The following SV2B variants were observed in gnomAD, a reference collection of about 807,000 sequenced individuals.
SV2B encodes the protein synaptic vesicle glycoprotein 2B.
SV2B carries 41 observed loss-of-function variants against 73.9 expected under a neutral mutation model. The observed-to-expected ratio is 0.56, with a 90% CI of 0.43 to 0.72. SV2B has a LOEUF of 0.72. Ranked by LOEUF, SV2B falls within the 30% of genes least tolerant of loss-of-function variation. The probability of loss-of-function intolerance (pLI) is 0.00; values close to 1 mark genes in which losing one functional copy is unlikely to be tolerated. For missense variants in SV2B, 764 were observed against 857.8 expected, an observed-to-expected ratio of 0.89 and a Z score of 1.37; for synonymous variants, 314 against 314.2, an observed-to-expected ratio of 1.00 and a Z score of 0.01.
In SV2B at chr15:91,231,125, A is replaced by T. The variant is rs1227209660; in HGVS notation, c.451+4411A>T. 1.3e-5 allele frequency among the ~76,000 whole-genome samples: 2 copies of T among 152,256 alleles called. 1 individual carries two copies. Among genetic ancestry groups the T allele is most frequent in the East Asian group, 3.9e-4 (2 of 5,180 alleles). Reference sequence around the variant, plus strand: ...GCATTTTCTGGGTATGTAAAAAAAAAATCACCCGAAGAAATGATTAAACTT... The same window carrying T: ...GCATTTTCTGGGTATGTAAAAAAAATATCACCCGAAGAAATGATTAAACTT... On this transcript the variant is annotated intron_variant, in intron 2 of 12. Transcript: ENST00000394232. This position sits in a 1 kb window ranked among gnomAD's most constrained non-coding sequence, Gnocchi z 4.5.
intron 1 of SV2B, among the ~76,000 whole-genome samples, chr15:91,182,190 G>C (rs2044606536): frequency 6.6e-6 from 1 of 152,094 alleles, no homozygotes; most frequent in Non-Finnish European, 1.5e-5. Context: ...CTTTTCCTAT[G>C]ATTAATTTAA....
rs2045269639 is a variant in SV2B, at chr15:91,197,024, C to T, written c.-391-28849C>T. ...CTTCCAGGGCCACGGGGATTTTGCT[C>T]CTCTGTTGCTCCGCCTGCCGGCTGT... is the stretch of plus-strand genomic sequence containing the variant. On this transcript the variant is annotated intron_variant, in intron 1 of 12. Transcript: ENST00000394232. The surrounding 1 kb of genome is among the most constrained non-coding windows in gnomAD (Gnocchi z 4.9). Among the ~76,000 whole-genome samples, 1 of 152,196 alleles carries T rather than the reference C, an allele frequency of 6.6e-6. No homozygotes were observed. Among genetic ancestry groups the T allele is most frequent in the African/African-American group, 2.4e-5 (1 of 41,452 alleles).
At chr15:91,165,280 G>A (rs898598249) in intron 1 of SV2B, among the ~76,000 whole-genome samples, 6 of 152,154 alleles carry the variant, frequency 3.9e-5, no homozygotes, top group South Asian at 2.1e-4. Flanking sequence ...GCAGTGAGCC[G>A]AGATCGCATC....
intron 2 of SV2B, among the ~76,000 whole-genome samples, chr15:91,243,171 G>A (rs1001970501): frequency 3.3e-5 from 5 of 152,144 alleles, no homozygotes; most frequent in Non-Finnish European, 5.9e-5. Context: ...GGTCTTAAGT[G>A]AAATGGCAGA....
chr15:91,228,083 A>C (rs2046442915), intron 2 of SV2B, among the ~76,000 whole-genome samples: 1 of 152,210 alleles, frequency 6.6e-6, no homozygotes, highest in African/African-American at 2.4e-5. Context: ...GGGCCACTGT[A>C]AATAAAATTG....
intron 1 of SV2B, among the ~76,000 whole-genome samples, chr15:91,202,068 C>T (rs2045479360): frequency 6.6e-6 from 1 of 152,184 alleles, no homozygotes; most frequent in Non-Finnish European, 1.5e-5. Flanking sequence ...TCACTCCCTG[C>T]TTCTTTCTCT....
Position 91,141,303 on chromosome 15 carries a change from T to A in SV2B, c.-392+40940T>A, listed in dbSNP as rs1315795202. Reference sequence around the variant, plus strand: ...GCTATTCTAGCAAGGGCGTGGAGTGTTTCCAGATTTTTGCTGGCATCATCT... The same window carrying A: ...GCTATTCTAGCAAGGGCGTGGAGTGATTCCAGATTTTTGCTGGCATCATCT... On this transcript the variant is annotated intron_variant, in intron 1 of 12. Transcript: ENST00000394232. The surrounding 1 kb of genome is among the most constrained non-coding windows in gnomAD (Gnocchi z 4.6). Among the ~76,000 whole-genome samples, 1 of 152,202 alleles carries A rather than the reference T, an allele frequency of 6.6e-6. No homozygotes were observed. Among genetic ancestry groups the A allele is most frequent in the East Asian group, 1.9e-4 (1 of 5,202 alleles).
intron 6 of SV2B, among the ~76,000 whole-genome samples, chr15:91,263,465 C>T (rs191050950): frequency 5.3e-5 from 8 of 151,808 alleles, no homozygotes; most frequent in South Asian, 2.1e-4. Flanking sequence ...CAGGAACATA[C>T]GGACACACAG....
intron 9 of SV2B, among the ~76,000 whole-genome samples, chr15:91,274,633 T>C (rs2048424731): frequency 6.6e-6 from 1 of 152,216 alleles, no homozygotes. Flanking sequence ...GTCCTCCTTT[T>C]TTGTACTAAT....
chr15:91,110,145 T>A lies in SV2B; in HGVS notation c.-392+9782T>A, dbSNP rs900705894. 6.6e-6 allele frequency among the ~76,000 whole-genome samples: 1 copy of A among 152,176 alleles called. No homozygotes were observed. Among genetic ancestry groups the A allele is most frequent in the Admixed American group, 6.5e-5 (1 of 15,282 alleles). On this transcript the variant is annotated intron_variant, in intron 1 of 12. Transcript: ENST00000394232. The surrounding 1 kb of genome is among the most constrained non-coding windows in gnomAD (Gnocchi z 5.4). Reference sequence around the variant, plus strand: ...TCCATTAACGTGTTCTGTTCCTTCTTCTTAGCAGTGTTCATTTGCATGTTT... The same window carrying A: ...TCCATTAACGTGTTCTGTTCCTTCTACTTAGCAGTGTTCATTTGCATGTTT...
rs1035273956 is a variant in SV2B, at chr15:91,100,658, T to C, written c.-392+295T>C. ...CATAAGTAGTTTTGCAACTTATAAA[T>C]GTCAGGCTGCTGGCATTTATAGCTC... is the stretch of plus-strand genomic sequence containing the variant. On this transcript the variant is annotated intron_variant, in intron 1 of 12. Transcript: ENST00000394232. The surrounding 1 kb of genome is among the most constrained non-coding windows in gnomAD (Gnocchi z 6.4). Among the ~76,000 whole-genome samples the C allele has an allele frequency of 6.6e-6, 1 of 152,238 alleles. No individual in the cohort carries two copies. Among genetic ancestry groups the C allele is most frequent in the Non-Finnish European group, 1.5e-5 (1 of 68,032 alleles).
At position 91,252,103 on chromosome 15, in the gene SV2B, A is replaced by G; in HGVS notation, c.632+104A>G. 5.6e-6 allele frequency: 8 copies of G among 1,440,356 alleles called. No homozygotes were observed. The highest frequency in any genetic ancestry group is 7.5e-6 in the Non-Finnish European group (8 of 1,070,764). The allele number at this position is 1,440,356 out of a possible 1,614,324, so 89.2% of individuals were successfully genotyped here. On this transcript the variant is annotated intron_variant, in intron 3 of 12. Coordinates refer to ENST00000394232, the MANE Select transcript of SV2B (RefSeq NM_001323032.3). The surrounding 1 kb of genome is among the most constrained non-coding windows in gnomAD (Gnocchi z 4.6). Reference sequence around the variant, plus strand: ...ACTCTAGAAACCCTTGGACTGACTGAGTTTTTGTTTGACTTTCAGGATACT... The same window carrying G: ...ACTCTAGAAACCCTTGGACTGACTGGGTTTTTGTTTGACTTTCAGGATACT...
At position 91,267,657 on chromosome 15, in the gene SV2B, T is replaced by C. The variant is rs774887545; in HGVS notation, c.1208+14T>C. 6 of 1,603,684 alleles carry C rather than the reference T, an allele frequency of 3.7e-6. No individual in the cohort carries two copies. In the East Asian group the frequency reaches 1.1e-4, roughly 30 times the overall value. On this transcript the variant is annotated intron_variant, in intron 8 of 12. Coordinates refer to ENST00000394232, the MANE Select transcript of SV2B (RefSeq NM_001323032.3). The surrounding 1 kb of genome is among the most constrained non-coding windows in gnomAD (Gnocchi z 4.3). ...CATGGCATTCAGGTAAGTTCTGTCT[T>C]ACTTAAATTTCGTAATTCCCTGTGC... is the stretch of plus-strand genomic sequence containing the variant.
At chr15:91,269,346 A>G (rs1171699908) in intron 9 of SV2B, among the ~76,000 whole-genome samples, 3 of 152,092 alleles carry the variant, frequency 2.0e-5, no homozygotes, top group African/African-American at 7.2e-5. Context: ...CTGAGCATTT[A>G]CCCCTCTGCT....
At position 91,197,596 on chromosome 15, in the gene SV2B, C is replaced by T. The variant is rs2045298218; in HGVS notation, c.-391-28277C>T. Among the ~76,000 whole-genome samples, 1 of 151,822 alleles carries T rather than the reference C, an allele frequency of 6.6e-6. No individual in the cohort carries two copies. Among genetic ancestry groups the T allele is most frequent in the East Asian group, 1.9e-4 (1 of 5,186 alleles). On this transcript the variant is annotated intron_variant, in intron 1 of 12. Coordinates refer to ENST00000394232, the MANE Select transcript of SV2B (RefSeq NM_001323032.3). This position sits in a 1 kb window ranked among gnomAD's most constrained non-coding sequence, Gnocchi z 4.9. ...AAACAAAACAAAATCACTGTAAAGACAAGAATGGATAAGTAAGGAGAGTTA... is the reference window on the plus strand; with the variant it reads ...AAACAAAACAAAATCACTGTAAAGATAAGAATGGATAAGTAAGGAGAGTTA...
At chr15:91,215,921 T>C (rs1013750242) in intron 1 of SV2B, among the ~76,000 whole-genome samples, 22 of 152,190 alleles carry the variant, frequency 1.4e-4, no homozygotes, top group Non-Finnish European at 3.2e-4. Flanking sequence ...TACTTTGAAG[T>C]ATTTGGTATT....
chr15:91,107,297 G>GTTTGTTTGTTTGTTTATTTATTTATTTA (rs140617996), intron 1 of SV2B, among the ~76,000 whole-genome samples: 63 of 145,842 alleles, frequency 4.3e-4, no homozygotes, highest in African/African-American at 1.6e-3. Context: ...TTATTTGTTT[G>GTTTGTTTGTTTGTTTATTTATTTATTTA]TTTATTTATT....
At chr15:91,182,377 T>C (rs1288152030) in intron 1 of SV2B, among the ~76,000 whole-genome samples, 1 of 152,218 alleles carries the variant, frequency 6.6e-6, no homozygotes, top group Non-Finnish European at 1.5e-5. Context: ...TTAGCATTTG[T>C]TGAATGCACG....
intron 1 of SV2B, among the ~76,000 whole-genome samples, chr15:91,172,855 G>T (rs539564668): frequency 9.9e-4 from 151 of 152,184 alleles, no homozygotes; most frequent in African/African-American, 3.6e-3. Flanking sequence ...CATCATAAAG[G>T]TTATATAAAT....
Sources: gnomAD v4.1 joint callset for allele counts (sites outside exome capture counted in the v4.1 genomes callset) on GRCh38, gnomAD v4.1.1 for gene constraint, Gnocchi (gnomAD v3.1) non-coding constraint, MANE v1.5 for transcripts, NCBI Gene and HGNC (gene_info 2026-07-23, HGNC 2026-07-21) for gene names.